The following MAF variants were observed in gnomAD, a reference collection of about 807,000 sequenced individuals.
MAF encodes the protein MAF bZIP transcription factor.
A neutral mutation model predicts 22.0 loss-of-function variants in MAF; 10 were observed. The observed-to-expected ratio is 0.45, with a 90% CI of 0.28 to 0.77. MAF has a LOEUF of 0.77. Among genes scored for constraint, MAF ranks in the 30% least tolerant of loss-of-function variants. The probability of loss-of-function intolerance (pLI) is 0.12; values close to 1 mark genes in which losing one functional copy is unlikely to be tolerated. For missense variants in MAF, 544 were observed against 548.4 expected (o/e 0.99, Z 0.08); for synonymous variants, 337 against 255.8 (o/e 1.32, Z -3.03).
rs1239219565 is a variant in MAF at position 79,594,534 on chromosome 16, A to T, written c.1138T>A (p.Leu380Met). ...GTGGCGTATCCCACTGATGGCTCCA[A>T]CTTGCGAGTGGGCTCAGTTCTGTAA... ...EFFITEPTRK[L>M]EPSVGYATFW... The change falls in exon 2 of 2, where the codon TTG (leucine) becomes ATG (methionine). Residue 380 changes from leucine (L) to methionine (M), a missense_variant. This residue lies in a region of MAF where 129 missense variants were observed against 113.6 expected (regional missense o/e 1.14). Coordinates refer to ENST00000326043, the MANE Select transcript of MAF (RefSeq NM_005360.5). 3.8e-6 allele frequency: 6 copies of T among 1,564,044 alleles called. No individual in the cohort carries two copies. Among genetic ancestry groups the T allele is most frequent in the Non-Finnish European group, 5.2e-6 (6 of 1,151,686 alleles).
the MAF span, among the ~76,000 whole-genome samples, chr16:79,566,117 C>A: frequency 2.6e-5 from 4 of 152,226 alleles, no homozygotes; most frequent in Non-Finnish European, 4.4e-5. Flanking sequence ...TAATTCTGAT[C>A]TGCATCCAGA....
the MAF span, among the ~76,000 whole-genome samples, chr16:79,268,220 C>T: frequency 3.3e-5 from 5 of 152,254 alleles, no homozygotes; most frequent in African/African-American, 1.2e-4. Flanking sequence ...TACCCCCTCT[C>T]CCCCACAAAC....
At chr16:79,270,203 C>T in the MAF span, among the ~76,000 whole-genome samples, 7 of 151,948 alleles carry the variant, frequency 4.6e-5, no homozygotes, top group African/African-American at 1.7e-4. Context: ...GCATCTAGCT[C>T]CCACAGAAGG....
At chr16:79,550,898 T>C in the MAF span, among the ~76,000 whole-genome samples, 1 of 152,136 alleles carries the variant, frequency 6.6e-6, no homozygotes, top group East Asian at 1.9e-4. Context: ...CTCTCCAGAC[T>C]GAGCTCTCCC....
At chr16:79,218,254 T>C in the MAF span, among the ~76,000 whole-genome samples, 2 of 136,938 alleles carry the variant, frequency 1.5e-5, no homozygotes, top group East Asian at 2.6e-4. Context: ...CTCAAAGTCA[T>C]CTTATTTCTC....
chr16:79,583,585 G>A (rs1912657902), downstream of MAF, among the ~76,000 whole-genome samples: 1 of 152,202 alleles, frequency 6.6e-6, no homozygotes, highest in Non-Finnish European at 1.5e-5. Flanking sequence ...GCTTAGACAT[G>A]AGCACGCTAA....
chr16:79,384,118 T>C, the MAF span, among the ~76,000 whole-genome samples: 1 of 151,580 alleles, frequency 6.6e-6, no homozygotes, highest in Non-Finnish European at 1.5e-5. Context: ...AGGAAGGGAG[T>C]CAGGAAAGTA....
At chr16:79,464,714 G>A in the MAF span, among the ~76,000 whole-genome samples, 1 of 152,312 alleles carries the variant, frequency 6.6e-6, no homozygotes, top group East Asian at 1.9e-4. Context: ...CCATGGGTCA[G>A]AGGGGACTGC....
At chr16:79,335,481 C>G in the MAF span, among the ~76,000 whole-genome samples, 2 of 152,118 alleles carry the variant, frequency 1.3e-5, no homozygotes, top group Admixed American at 6.5e-5. Context: ...CCAGGGGGGA[C>G]AGGAAGGACC....
chr16:79,212,106 C>CTTTCT, the MAF span: 5 of 1,535,846 alleles, frequency 3.3e-6, no homozygotes, highest in East Asian at 2.4e-5. Context: ...CAGCAATTCT[C>CTTTCT]TTTCTTTTAC....
the MAF span, among the ~76,000 whole-genome samples, chr16:79,242,026 A>G: frequency 6.6e-6 from 1 of 152,096 alleles, no homozygotes; most frequent in Non-Finnish European, 1.5e-5. Flanking sequence ...CTGCCTTACA[A>G]GAGCTCCTGA....
the MAF span, among the ~76,000 whole-genome samples, chr16:79,520,959 T>C: frequency 3.2e-3 from 487 of 152,346 alleles, 7 homozygotes; most frequent in African/African-American, 0.011. Flanking sequence ...TTTAGATGAA[T>C]AAACTGAGGC....
the MAF span, among the ~76,000 whole-genome samples, chr16:79,446,224 G>C: frequency 3.3e-5 from 5 of 152,150 alleles, no homozygotes; most frequent in Non-Finnish European, 5.9e-5. Context: ...GAGGCACTGG[G>C]TATGGTTCAT....
chr16:79,387,174 GCT>G, the MAF span, among the ~76,000 whole-genome samples: 13 of 152,126 alleles, frequency 8.5e-5, no homozygotes, highest in South Asian at 8.3e-4. Flanking sequence ...ATAGCAGAAC[GCT>G]CTCTCTTTTC....
chr16:79,233,711 T>A, the MAF span, among the ~76,000 whole-genome samples: 28 of 152,002 alleles, frequency 1.8e-4, 1 homozygote, highest in South Asian at 5.8e-3. Flanking sequence ...TAAGTATATA[T>A]AGCTGGGCAC....
At chr16:79,278,387 C>G in the MAF span, among the ~76,000 whole-genome samples, 2 of 152,214 alleles carry the variant, frequency 1.3e-5, no homozygotes, top group Non-Finnish European at 2.9e-5. Context: ...GAAGCGAAAT[C>G]CCTGTGACTT....
the MAF span, among the ~76,000 whole-genome samples, chr16:79,282,151 A>G: frequency 2.6e-5 from 4 of 152,134 alleles, no homozygotes; most frequent in African/African-American, 9.7e-5. Flanking sequence ...AAATACAAAA[A>G]TTAGCCTAGT....
chr16:79,278,147 C>T, the MAF span, among the ~76,000 whole-genome samples: 1 of 152,184 alleles, frequency 6.6e-6, no homozygotes, highest in Admixed American at 6.5e-5. Context: ...TAGATTGAGT[C>T]GTCCAGGTAC....
At chr16:79,210,997 G>T in the MAF span, among the ~76,000 whole-genome samples, 9 of 151,068 alleles carry the variant, frequency 6.0e-5, no homozygotes, top group African/African-American at 1.7e-4. Flanking sequence ...GAATTAATGT[G>T]TTATGTGTTT....
Sources: gnomAD v4.1 joint callset for allele counts (sites outside exome capture counted in the v4.1 genomes callset) on GRCh38, gnomAD v4.1.1 for gene constraint, gnomAD v4.1.1 regional missense constraint, MANE v1.5 for transcripts, NCBI Gene and HGNC (gene_info 2026-07-23, HGNC 2026-07-21) for gene names.